The following MSH5 variants were observed in gnomAD, a reference collection of about 807,000 sequenced individuals.
MSH5 encodes mutS protein homolog 5.
Under a neutral mutation model 107.7 loss-of-function variants are expected in MSH5, and 78 were observed. The observed-to-expected ratio is 0.72, with a 90% confidence interval of 0.60 to 0.87. The LOEUF (loss-of-function observed/expected upper bound fraction) is 0.87, where lower values mean the gene tolerates loss of function less well. MSH5 is among the 40% of genes least tolerant of loss of function. MSH5 has a pLI of 0.00. For missense variants in MSH5, 889 were observed against 1,046.6 expected (o/e 0.85, Z 2.08); for synonymous variants, 326 against 399.5 (o/e 0.82, Z 2.19).
At position 31,760,268 on chromosome 6, in the gene MSH5, A is replaced by AGCCAACTAGGAG; in HGVS notation, c.1812+52_1812+53insGCCAACTAGGAG. On this transcript the variant is annotated intron_variant, in intron 19 of 24. Coordinates refer to ENST00000375750, the MANE Select transcript of MSH5 (RefSeq NM_172166.4). This position sits in a 1 kb window ranked among gnomAD's most constrained non-coding sequence, Gnocchi z 5.6. ...CTCTGGCGTCTCCTGCATCTACTCC[A>AGCCAACTAGGAG]CCCCTACTTGCCAGCCAACTCAGGC... is the stretch of plus-strand genomic sequence containing the variant. 1 of 1,519,488 alleles carries AGCCAACTAGGAG rather than the reference A, an allele frequency of 6.6e-7. No individual in the cohort carries two copies. 94.1% of individuals were successfully genotyped at this position (1,519,488 alleles called of 1,614,324 possible).
In MSH5 at chr6:31,762,612, C is replaced by T. The variant is rs544260005; in HGVS notation, c.*81C>T. ...TCTTTGTTTCCTTATCTCCCTCAGA[C>T]GCAGAGTTTTTAGTTTCTCTAGAAA... On this transcript the variant is annotated 3_prime_UTR_variant, in exon 25 of 25. Coordinates refer to ENST00000375750, the MANE Select transcript of MSH5 (RefSeq NM_172166.4). The T allele has an allele frequency of 1.1e-4, 88 of 819,198 alleles. 1 individual carries two copies. The highest frequency in any genetic ancestry group is 1.0e-3 in the African/African-American group (60 of 57,908). The allele number at this position is 819,198 out of a possible 1,614,324, so 50.7% of individuals were successfully genotyped here. A position where few individuals can be genotyped will look rare whatever the true frequency, so the allele number is the denominator to read the frequency against.
rs768937636 is a variant in MSH5, at chr6:31,758,665, G to A, written c.1216+45G>A. ...GGGCCTGTGAGCCCTGCGCAGTGAT[G>A]GAGTACCATCCTTGGCAGGTGGTCA... is the stretch of plus-strand genomic sequence containing the variant. On this transcript the variant is annotated intron_variant, in intron 14 of 24. Transcript: ENST00000375750. This position sits in a 1 kb window ranked among gnomAD's most constrained non-coding sequence, Gnocchi z 5.1. 38 of 1,611,640 alleles carry A rather than the reference G, an allele frequency of 2.4e-5. No individual in the cohort carries two copies. Among genetic ancestry groups the A allele is most frequent in the Non-Finnish European group, 3.1e-5 (37 of 1,178,014 alleles).
At position 31,744,548 on chromosome 6, in the gene MSH5, C is replaced by G; in HGVS notation, c.650C>G (p.Thr217Ser). The stretch of plus-strand genomic sequence containing the variant: ...GCTTTTTTGTTTTCTGTCCTCAGGA[C>G]TCATCTGGTGAACATAGATCAAGAC... ...PILGFKKFML[T>S]HLVNIDQDTY... is the part of the protein sequence containing the mutation. Residue 217 changes from threonine to serine, a missense_variant and splice_region_variant, in exon 8 of 25, where the codon ACT becomes AGT. Thr to Ser is a moderately conservative substitution (Grantham distance 58). Around this residue, in one of 3 missense-constraint regions of MSH5, gnomAD observed 518 missense variants for 565.0 expected, o/e 0.92. Transcript: ENST00000375750. 1 of 1,613,368 alleles carries G rather than the reference C, an allele frequency of 6.2e-7. No homozygotes were observed.
Position 31,759,694 on chromosome 6 carries a change from GCAACCTGTTTCC to G in MSH5, c.1496-91_1496-80del. 1 of 1,462,312 alleles carries G rather than the reference GCAACCTGTTTCC, an allele frequency of 6.8e-7. No individual in the cohort carries two copies. 90.6% of individuals were successfully genotyped at this position (1,462,312 alleles called of 1,614,324 possible). A position where few individuals can be genotyped will look rare whatever the true frequency, so the allele number is the denominator to read the frequency against. ...TGTCTTGAGGTCTCAGATTGTATCT[GCAACCTGTTTCC>G]AGATCCCCCTAGGGGCCTCTGCCTC... On this transcript the variant is annotated intron_variant, in intron 17 of 24. Transcript: ENST00000375750. The surrounding 1 kb of genome is among the most constrained non-coding windows in gnomAD (Gnocchi z 4.7).
At chr6:31,756,211 G>A (rs879532967) in intron 12 of MSH5, among the ~76,000 whole-genome samples, 1 of 151,778 alleles carries the variant, frequency 6.6e-6, no homozygotes, top group Non-Finnish European at 1.5e-5. Flanking sequence ...TCCCTCTGTC[G>A]CCAGGCTGAA....
At chr6:31,746,769 T>C (rs1809503147) in intron 9 of MSH5, among the ~76,000 whole-genome samples, 2 of 149,962 alleles carry the variant, frequency 1.3e-5, no homozygotes, top group Admixed American at 1.3e-4. Flanking sequence ...AGTTTTTGTA[T>C]TTTTGGAGGG....
intron 12 of MSH5, chr6:31,757,862 G>GT (rs1810589212): frequency 2.2e-6 from 1 of 463,594 alleles, no homozygotes; most frequent in African/African-American, 2.0e-5. Flanking sequence ...TAGAGACAGG[G>GT]TTTCACCATG....
intron 8 of MSH5, 63 bp from the exon 9 acceptor site, chr6:31,745,174 C>A (rs971785960): frequency 4.2e-6 from 4 of 958,578 alleles, no homozygotes; most frequent in Non-Finnish European, 6.8e-6. Flanking sequence ...ATTTATCAGT[C>A]CTCAATTCTT....
Position 31,759,652 on chromosome 6 carries a change from C to T in MSH5, c.1496-134C>T. 1.5e-6 allele frequency: 2 copies of T among 1,350,264 alleles called. No homozygotes were observed. The highest frequency in any genetic ancestry group is 2.1e-6 in the Non-Finnish European group (2 of 969,628). The allele number at this position is 1,350,264 out of a possible 1,614,324, so 83.6% of individuals were successfully genotyped here. ...GCTCTCTGTCTCGCTCACTCTGACT[C>T]TATCTTTTCCTCTGAATGTCTTGAG... On this transcript the variant is annotated intron_variant, in intron 17 of 24. Coordinates refer to ENST00000375750, the MANE Select transcript of MSH5 (RefSeq NM_172166.4). This position sits in a 1 kb window ranked among gnomAD's most constrained non-coding sequence, Gnocchi z 4.7.
At position 31,759,889 on chromosome 6, in the gene MSH5, G is replaced by A. The variant is rs1345244874; in HGVS notation, c.1599G>A (p.Leu533=). 6.2e-7 allele frequency: 1 copy of A among 1,614,078 alleles called. No homozygotes were observed. Among genetic ancestry groups the A allele is most frequent in the Non-Finnish European group, 8.5e-7 (1 of 1,180,042 alleles). The change falls in exon 18 of 25, where the codon CTG becomes CTA. Residue 533 remains leucine (L), a synonymous_variant. Coordinates refer to ENST00000375750, the MANE Select transcript of MSH5 (RefSeq NM_172166.4). The surrounding 1 kb of genome is among the most constrained non-coding windows in gnomAD (Gnocchi z 4.7). ...LDLASRLDVL[L]ALASAARDYG... Reference sequence around the variant, plus strand: ...TTGCCTCCCGCCTGGACGTCCTGCTGGCTCTTGCCAGTGCTGCCCGGGACT... The same window carrying A: ...TTGCCTCCCGCCTGGACGTCCTGCTAGCTCTTGCCAGTGCTGCCCGGGACT...
At position 31,740,388 on chromosome 6, in the gene MSH5, C is replaced by G; in HGVS notation, c.-13-66C>G. On this transcript the variant is annotated intron_variant, in intron 1 of 24. Coordinates refer to ENST00000375750, the MANE Select transcript of MSH5 (RefSeq NM_172166.4). The surrounding 1 kb of genome is among the most constrained non-coding windows in gnomAD (Gnocchi z 4.4). ...TACTTAGTGCTTTGCATTCTGCGCGCCACCCTACCCCGGCCTCCTCTGTGA... is the reference window on the plus strand; with the variant it reads ...TACTTAGTGCTTTGCATTCTGCGCGGCACCCTACCCCGGCCTCCTCTGTGA... 6.6e-7 allele frequency: 1 copy of G among 1,504,616 alleles called. No homozygotes were observed. The allele number at this position is 1,504,616 out of a possible 1,614,324, so 93.2% of individuals were successfully genotyped here.
chr6:31,753,605 C>G lies in MSH5; in HGVS notation c.990C>G (p.Val330=). 6.2e-7 allele frequency: 1 copy of G among 1,614,154 alleles called. No homozygotes were observed. The highest frequency in any genetic ancestry group is 8.5e-7 in the Non-Finnish European group (1 of 1,180,032). ...GCATGAAGTTGTCCCACACCAAGGT[C>G]AGCGACTGGCAGGTTCTCTACAAGG... ...LKRMKLSHTK[V]SDWQVLYKTV... Residue 330 remains valine (V), a synonymous_variant, in exon 12 of 25, where the codon GTC becomes GTG. Coordinates refer to ENST00000375750, the MANE Select transcript of MSH5 (RefSeq NM_172166.4).
At position 31,758,725 on chromosome 6, in the gene MSH5, G is replaced by T; in HGVS notation, c.1217-41G>T. The stretch of plus-strand genomic sequence containing the variant: ...GGGATCTTCATAGCAACCAGGGCAG[G>T]AGACTCACTTTTGATAACCACGTGT... On this transcript the variant is annotated intron_variant, in intron 14 of 24. Transcript: ENST00000375750. The surrounding 1 kb of genome is among the most constrained non-coding windows in gnomAD (Gnocchi z 5.1). The T allele has an allele frequency of 6.2e-7, 1 of 1,610,356 alleles. No individual in the cohort carries two copies. The highest frequency in any genetic ancestry group is 8.5e-7 in the Non-Finnish European group (1 of 1,176,630).
intron 3 of MSH5, 135 bp downstream of exon 3, chr6:31,741,421 C>T (rs943909779): frequency 3.1e-5 from 38 of 1,237,946 alleles, no homozygotes; most frequent in Non-Finnish European, 4.1e-5. Context: ...CTCTGTTACC[C>T]AGGCTCAAGT....
chr6:31,761,357 T>A lies in MSH5; in HGVS notation c.2037+95T>A, dbSNP rs533652489. ...GTGAGGCTGGGCCTCTGGAATGGAA[T>A]AGGGCTGTGTGGGCAGAAAAGAAAT... On this transcript the variant is annotated intron_variant, in intron 21 of 24. Coordinates refer to ENST00000375750, the MANE Select transcript of MSH5 (RefSeq NM_172166.4). The surrounding 1 kb of genome is among the most constrained non-coding windows in gnomAD (Gnocchi z 5.3). The A allele has an allele frequency of 3.1e-6, 5 of 1,604,408 alleles. No individual in the cohort carries two copies. The highest frequency in any genetic ancestry group is 4.3e-6 in the Non-Finnish European group (5 of 1,173,598).
Position 31,747,429 on chromosome 6 carries a change from T to A in MSH5, c.809T>A (p.Leu270His), listed in dbSNP as rs770677623. The change falls in exon 10 of 25, where the codon CTC becomes CAC. Residue 270 changes from leucine to histidine, a missense_variant. Leu to His is a moderately conservative substitution (Grantham distance 99). This residue lies in a region of MSH5 where 518 missense variants were observed against 565.0 expected (regional missense o/e 0.92). Coordinates refer to ENST00000375750, the MANE Select transcript of MSH5 (RefSeq NM_172166.4). ...CACTGTAAGTGGGGAGAGAAGCTGC[T>A]CAGGTGAGTGGGTCCCACACATACT... ...RCHCKWGEKL[L>H]RLWFTRPTHD... 1 of 1,613,036 alleles carries A rather than the reference T, an allele frequency of 6.2e-7. No homozygotes were observed. Among genetic ancestry groups the A allele is most frequent in the East Asian group, 2.2e-5 (1 of 44,888 alleles).
At position 31,759,534 on chromosome 6, in the gene MSH5, T is replaced by C. The variant is rs1401969755; in HGVS notation, c.1495+22T>C. The C allele has an allele frequency of 7.4e-6, 12 of 1,611,148 alleles. No homozygotes were observed. The highest frequency in any genetic ancestry group is 6.7e-5 in the African/African-American group (5 of 74,836). On this transcript the variant is annotated intron_variant, in intron 17 of 24. Coordinates refer to ENST00000375750, the MANE Select transcript of MSH5 (RefSeq NM_172166.4). This position sits in a 1 kb window ranked among gnomAD's most constrained non-coding sequence, Gnocchi z 4.7. The stretch of plus-strand genomic sequence containing the variant: ...CGGGGTGAGGAAAAGCCAGAGGTTA[T>C]ATGCATTGTAAGATGTTTAAAAAAA...
At chr6:31,745,188 C>G in intron 8 of MSH5, 49 bp from the exon 9 acceptor site, 1 of 1,098,096 alleles carries the variant, frequency 9.1e-7, no homozygotes, top group Non-Finnish European at 1.4e-6. Context: ...AATTCTTATT[C>G]CCTTCAAAAG....
At position 31,743,149 on chromosome 6, in the gene MSH5, T is replaced by C; in HGVS notation, c.394T>C (p.Phe132Leu). 6.2e-7 allele frequency: 1 copy of C among 1,612,942 alleles called. No homozygotes were observed. The highest frequency in any genetic ancestry group is 8.5e-7 in the Non-Finnish European group (1 of 1,179,956). The change falls in exon 5 of 25, where the codon TTT (phenylalanine) becomes CTT (leucine). Residue 132 changes from phenylalanine (F) to leucine (L), a missense_variant. Phe to Leu is a conservative substitution (Grantham distance 22). Coordinates refer to ENST00000375750, the MANE Select transcript of MSH5 (RefSeq NM_172166.4). The part of the protein sequence containing the change: ...HREPKRPEII[F>L]LPSVDFGLEI... ...AGAGCCTAAAAGACCTGAAATCATATTTTTGCCAAGTGTGGATTTTGGTAT... is the reference window on the plus strand; with the variant it reads ...AGAGCCTAAAAGACCTGAAATCATACTTTTGCCAAGTGTGGATTTTGGTAT...
Sources: gnomAD v4.1 joint callset for allele counts (sites outside exome capture counted in the v4.1 genomes callset) on GRCh38, gnomAD v4.1.1 for gene constraint, gnomAD v4.1.1 regional missense constraint, Gnocchi (gnomAD v3.1) non-coding constraint, MANE v1.5 for transcripts, NCBI Gene and HGNC (gene_info 2026-07-23, HGNC 2026-07-21) for gene names.